SGK1: variants seen among roughly 807,000 people sequenced by gnomAD.
SGK1 encodes serum/glucocorticoid regulated kinase 1.
In SGK1, 26 loss-of-function variants were observed where a neutral mutation model predicts 64.2. That is an observed-to-expected ratio of 0.40 (90% CI 0.30 to 0.56). SGK1 has a LOEUF of 0.56. Ranked by LOEUF, SGK1 falls within the 20% of genes least tolerant of loss-of-function variation. The pLI, the probability that SGK1 is intolerant of heterozygous loss-of-function variation, is 0.38. For synonymous variants in SGK1, 265 were observed against 239.7 expected (o/e 1.11, Z -0.98); for missense variants, 519 against 645.6 (o/e 0.80, Z 2.12).
chr6:134,224,347 T>C (rs1459135042), intron 2 of SGK1, among the ~76,000 whole-genome samples: 1 of 152,154 alleles, frequency 6.6e-6, no homozygotes, highest in African/African-American at 2.4e-5. Flanking sequence ...AAAACATCTA[T>C]ATAACATGTG....
rs147409009 is a variant in SGK1 at position 134,234,914 on chromosome 6, G to A, written c.285+27019C>T. 5.3e-4 allele frequency among the ~76,000 whole-genome samples: 81 copies of A among 152,048 alleles called. 1 individual carries two copies. In the South Asian group the frequency reaches 8.3e-3, roughly 16 times the overall value. ...ATAAATAAGACTAATTGGAAAACTT[G>A]GAAATTATTTAGAAGACAGCTCCAA... On this transcript the variant is annotated intron_variant, in intron 2 of 13. Transcript: ENST00000367858.
intron 3 of SGK1, chr6:134,175,437 G>T: frequency 7.7e-7 from 1 of 1,304,712 alleles, no homozygotes. Flanking sequence ...TCCCGTTCCC[G>T]CCGCCGGGAC....
chr6:134,269,782 T>C (rs1231076472), intron 1 of SGK1, among the ~76,000 whole-genome samples: 2 of 148,094 alleles, frequency 1.4e-5, no homozygotes, highest in African/African-American at 4.9e-5. Context: ...TGGAAGCAAA[T>C]TCATCTCACA....
At chr6:134,194,229 T>A (rs1775562761) in intron 3 of SGK1, among the ~76,000 whole-genome samples, 1 of 152,066 alleles carries the variant, frequency 6.6e-6, no homozygotes, top group South Asian at 2.1e-4. Flanking sequence ...TTGTTACAAC[T>A]AGCTGAGTCT....
chr6:134,179,067 CTT>C (rs1358885077), intron 3 of SGK1, among the ~76,000 whole-genome samples: 3 of 152,090 alleles, frequency 2.0e-5, no homozygotes, highest in Non-Finnish European at 2.9e-5. Context: ...AAAGATATGA[CTT>C]TTTCCATTTA....
At chr6:134,172,987 A>G (rs1775080571) in intron 8 of SGK1, 36 bp downstream of exon 8, 2 of 1,588,598 alleles carry the variant, frequency 1.3e-6, no homozygotes, top group African/African-American at 2.7e-5. Flanking sequence ...GGCTGTGCAG[A>G]GACACTAAGA....
chr6:134,248,443 G>A (rs931716216), intron 2 of SGK1, among the ~76,000 whole-genome samples: 8 of 128,190 alleles, frequency 6.2e-5, no homozygotes, highest in Non-Finnish European at 1.1e-4. Flanking sequence ...GCTCTCCTCC[G>A]CCTTTTTTTT....
rs140489920 is a variant in SGK1 at position 134,204,159 on chromosome 6, A to G, written c.361+3197T>C. On this transcript the variant is annotated intron_variant, in intron 3 of 13. Transcript: ENST00000367858. ...ACTGAATTAAAAGAACCAAAAGACA[A>G]TTCTACCACTAGAGGTGGAGATTTT... Among the ~76,000 whole-genome samples the G allele has an allele frequency of 6.4e-3, 973 of 151,988 alleles. 7 individuals carry two copies. Among genetic ancestry groups the G allele is most frequent in the African/African-American group, 0.022 (932 of 41,478 alleles).
intron 1 of SGK1, among the ~76,000 whole-genome samples, chr6:134,271,203 C>T (rs1776935752): frequency 7.1e-6 from 1 of 141,502 alleles, no homozygotes; most frequent in Non-Finnish European, 1.6e-5. Flanking sequence ...CCTGTAATTC[C>T]AGCTACTTGG....
intron 1 of SGK1, among the ~76,000 whole-genome samples, chr6:134,286,976 A>G (rs1777193037): frequency 2.6e-5 from 4 of 151,786 alleles, no homozygotes; most frequent in Admixed American, 2.6e-4. Context: ...TCTCTACAGT[A>G]TTTTCTTGGA....
At chr6:134,173,633 C>G in intron 5 of SGK1, 67 bp from the exon 6 acceptor site, 1 of 1,100,932 alleles carries the variant, frequency 9.1e-7, no homozygotes, top group East Asian at 2.4e-5. Context: ...ATAACATAAA[C>G]GATGTAGAAA....
chr6:134,299,335 A>G (rs1777411444), intron 1 of SGK1, among the ~76,000 whole-genome samples: 1 of 152,132 alleles, frequency 6.6e-6, no homozygotes, highest in Non-Finnish European at 1.5e-5. Flanking sequence ...ACTGCCTTCT[A>G]GTCTCGGCAG....
chr6:134,288,021 G>A (rs1000775715), intron 1 of SGK1, among the ~76,000 whole-genome samples: 4 of 152,080 alleles, frequency 2.6e-5, no homozygotes, highest in African/African-American at 9.7e-5. Flanking sequence ...AAAATGATAA[G>A]GAACATAAAC....
intron 1 of SGK1, among the ~76,000 whole-genome samples, chr6:134,300,276 C>T (rs370304618): frequency 6.6e-6 from 1 of 151,410 alleles, no homozygotes; most frequent in Non-Finnish European, 1.5e-5. Flanking sequence ...CAATGGCTCA[C>T]GCCTGTAATC....
intron 2 of SGK1, chr6:134,215,130 C>CTTTTTTT (rs780554551): frequency 4.9e-5 from 17 of 345,594 alleles, no homozygotes; most frequent in Middle Eastern, 6.0e-4. Context: ...TTCTTTCTTT[C>CTTTTTTT]TTTCTTTTTT....
At chr6:134,216,061 C>T (rs150954948) in intron 2 of SGK1, among the ~76,000 whole-genome samples, 95 of 151,848 alleles carry the variant, frequency 6.3e-4, no homozygotes, top group Non-Finnish European at 1.2e-3. Flanking sequence ...AATATATTCA[C>T]GTATGCATAA....
intron 1 of SGK1, among the ~76,000 whole-genome samples, chr6:134,264,432 T>A (rs1318677685): frequency 6.6e-6 from 1 of 152,124 alleles, no homozygotes; most frequent in Non-Finnish European, 1.5e-5. Flanking sequence ...AGCATGCAAT[T>A]TTCTAAGAAG....
intron 2 of SGK1, among the ~76,000 whole-genome samples, chr6:134,248,796 G>A (rs761208273): frequency 2.1e-4 from 32 of 152,128 alleles, no homozygotes; most frequent in East Asian, 1.9e-4. Context: ...GAGTTCTGAA[G>A]TTAAATGAAC....
chr6:134,298,735 C>G, intron 1 of SGK1: 1 of 549,214 alleles, frequency 1.8e-6, no homozygotes, highest in Non-Finnish European at 3.2e-6. Context: ...CTGAACCAGG[C>G]AGAGATTCCA....
Sources: gnomAD v4.1 joint callset for allele counts (sites outside exome capture counted in the v4.1 genomes callset) on GRCh38, gnomAD v4.1.1 for gene constraint, MANE v1.5 for transcripts, NCBI Gene and HGNC (gene_info 2026-07-23, HGNC 2026-07-21) for gene names.